Variants in RANBP2 observed in about 807,000 individuals in gnomAD.
RANBP2 encodes E3 SUMO-protein ligase RanBP2.
RANBP2 carries 57 observed loss-of-function variants against 303.6 expected under a neutral mutation model. The observed-to-expected ratio is 0.19, with a 90% CI of 0.15 to 0.23. The LOEUF is 0.23. RANBP2 is among the 10% of genes least tolerant of loss of function. RANBP2 has a pLI of 1.00. For synonymous variants in RANBP2, 1,167 were observed against 1,301.5 expected (o/e 0.90, Z 2.23); for missense variants, 3,138 against 3,780.8 (o/e 0.83, Z 4.46).
chr2:109,709,980 A>C, the RANBP2 span, among the ~76,000 whole-genome samples: 4 of 151,044 alleles, frequency 2.6e-5, no homozygotes, highest in Non-Finnish European at 4.4e-5. Flanking sequence ...CCAACTACTT[A>C]GGAGGCTGAG....
the RANBP2 span, among the ~76,000 whole-genome samples, chr2:109,525,149 GT>G: frequency 2.1e-5 from 3 of 141,224 alleles, no homozygotes; most frequent in Admixed American, 7.2e-5. Flanking sequence ...TTTTGTTTTT[GT>G]TTTTGTTTTT....
At chr2:109,504,586 C>T in the RANBP2 span, 1 of 152,366 alleles carries the variant, frequency 6.6e-6, no homozygotes, top group African/African-American at 2.4e-5. Flanking sequence ...TGATGACAAA[C>T]CATGATGCCT....
intron 7 of RANBP2, among the ~76,000 whole-genome samples, chr2:108,745,874 TA>T (rs1365335549): frequency 6.6e-6 from 1 of 151,740 alleles, no homozygotes; most frequent in Non-Finnish European, 1.5e-5. Flanking sequence ...TAGTAGAAAC[TA>T]ATTTCTCAGA....
Position 108,753,028 on chromosome 2 carries a change from C to G in RANBP2, c.1786C>G (p.Arg596Gly). The G allele has an allele frequency of 6.2e-7, 1 of 1,609,112 alleles. No individual in the cohort carries two copies. Among genetic ancestry groups the G allele is most frequent in the South Asian group, 1.1e-5 (1 of 90,520 alleles). The part of the protein sequence containing the change: ...GSGLNSFYDQ[R>G]EYIGRSVHYW... ...CGGTCTTAATTCTTTTTATGATCAA[C>G]GAGAATACATAGGGAGAAGTGTTCA... The change falls in exon 13 of 29, where the codon CGA becomes GGA. Residue 596 changes from arginine to glycine, a missense_variant. Arg to Gly is a moderately radical substitution (Grantham distance 125, BLOSUM62 -2). Transcript: ENST00000283195.
intron 8 of RANBP2, 147 bp from the exon 9 acceptor site, chr2:108,748,773 T>A (rs1229344985): frequency 6.9e-7 from 1 of 1,459,210 alleles, no homozygotes; most frequent in Non-Finnish European, 9.5e-7. Flanking sequence ...TAAGCACCGG[T>A]TTTGTTGTCC....
At chr2:109,272,967 A>G in the RANBP2 span, among the ~76,000 whole-genome samples, 67 of 152,226 alleles carry the variant, frequency 4.4e-4, 1 homozygote, top group African/African-American at 1.3e-3. Context: ...TTTTTTCCCT[A>G]TTAAGCTACT....
the RANBP2 span, chr2:108,791,702 T>C: frequency 6.2e-7 from 1 of 1,608,044 alleles, no homozygotes; most frequent in South Asian, 1.1e-5. Context: ...ATTCTTTCCA[T>C]GATTTGAAGA....
the RANBP2 span, among the ~76,000 whole-genome samples, chr2:109,045,666 C>A: frequency 6.6e-6 from 1 of 152,234 alleles, no homozygotes; most frequent in East Asian, 1.9e-4. Flanking sequence ...GGCGCTTGGC[C>A]TGGTGACCCA....
chr2:109,500,310 A>C, the RANBP2 span, among the ~76,000 whole-genome samples: 38 of 152,178 alleles, frequency 2.5e-4, no homozygotes. Context: ...GGTCAGTGCC[A>C]CAGCTAAGTG....
the RANBP2 span, among the ~76,000 whole-genome samples, chr2:109,059,687 G>A: frequency 6.6e-6 from 1 of 152,196 alleles, no homozygotes; most frequent in African/African-American, 2.4e-5. Flanking sequence ...CACTGTGCCA[G>A]CCCCGGGACA....
chr2:109,597,047 A>C, the RANBP2 span, among the ~76,000 whole-genome samples: 5 of 152,260 alleles, frequency 3.3e-5, no homozygotes, highest in Admixed American at 2.6e-4. Flanking sequence ...TCCCAAGCTC[A>C]AGCTATCCTC....
chr2:109,561,082 A>C, the RANBP2 span, among the ~76,000 whole-genome samples: 1 of 152,144 alleles, frequency 6.6e-6, no homozygotes, highest in African/African-American at 2.4e-5. Flanking sequence ...CTTAGGACAA[A>C]GATCAAAATC....
At chr2:109,728,431 T>C in the RANBP2 span, among the ~76,000 whole-genome samples, 1 of 152,120 alleles carries the variant, frequency 6.6e-6, no homozygotes, top group Non-Finnish European at 1.5e-5. Context: ...CAGTAAATAA[T>C]ACTATTTTTT....
At chr2:109,426,054 C>T in the RANBP2 span, among the ~76,000 whole-genome samples, 9,412 of 152,252 alleles carry the variant, frequency 0.062, 383 homozygotes, top group South Asian at 0.11. Flanking sequence ...CATGCCACCA[C>T]GCCCAGCTAA....
the RANBP2 span, among the ~76,000 whole-genome samples, chr2:109,194,605 T>C: frequency 6.6e-6 from 1 of 152,132 alleles, no homozygotes; most frequent in Non-Finnish European, 1.5e-5. Flanking sequence ...GGCAGGCACA[T>C]ATGCACACAC....
At chr2:109,140,931 T>G in the RANBP2 span, among the ~76,000 whole-genome samples, 2 of 152,312 alleles carry the variant, frequency 1.3e-5, no homozygotes, top group Non-Finnish European at 2.9e-5. Context: ...TGAGAAGCCC[T>G]TACTTTCATA....
chr2:109,091,376 T>G, the RANBP2 span, among the ~76,000 whole-genome samples: 1 of 152,106 alleles, frequency 6.6e-6, no homozygotes, highest in Non-Finnish European at 1.5e-5. Flanking sequence ...GTCCTGCCCC[T>G]GATTAGAAGC....
chr2:109,190,362 T>TG, the RANBP2 span, among the ~76,000 whole-genome samples: 4 of 152,310 alleles, frequency 2.6e-5, no homozygotes, highest in African/African-American at 4.8e-5. Flanking sequence ...GTAGTAGAGA[T>TG]GGGGTTTCGC....
the RANBP2 span, among the ~76,000 whole-genome samples, chr2:109,655,647 C>T: frequency 7.6e-6 from 1 of 131,654 alleles, no homozygotes; most frequent in East Asian, 1.9e-4. Context: ...TATTTTAAAG[C>T]AGAAACAAAC....
Sources: gnomAD v4.1 joint callset for allele counts (sites outside exome capture counted in the v4.1 genomes callset) on GRCh38, gnomAD v4.1.1 for gene constraint, MANE v1.5 for transcripts, NCBI Gene and HGNC (gene_info 2026-07-23, HGNC 2026-07-21) for gene names.